Variants in WRN observed in about 807,000 individuals in gnomAD.
The protein encoded by WRN is WRN RecQ like helicase, also known as bifunctional 3'-5' exonuclease/ATP-dependent helicase WRN.
A neutral mutation model predicts 180.7 loss-of-function variants in WRN; 149 were observed. The ratio of observed to expected loss-of-function variants is 0.82; its 90% CI spans 0.72 to 0.94. The LOEUF (loss-of-function observed/expected upper bound fraction) is 0.94, where lower values mean the gene tolerates loss of function less well. WRN is among the 40% of genes least tolerant of loss of function. WRN has a pLI of 0.00. For missense variants in WRN, 1,661 were observed against 1,700.1 expected, an observed-to-expected ratio of 0.98 and a Z score of 0.40; for synonymous variants, 548 against 568.9, an observed-to-expected ratio of 0.96 and a Z score of 0.52.
intron 9 of WRN, among the ~76,000 whole-genome samples, chr8:31,082,258 TTTTA>T (rs1385702094): frequency 3.3e-5 from 5 of 152,218 alleles, no homozygotes; most frequent in Non-Finnish European, 7.3e-5. Context: ...AAATTTTATA[TTTTA>T]TTTCACGATA....
intron 19 of WRN, 128 bp downstream of exon 19, chr8:31,111,927 T>A: frequency 5.7e-6 from 7 of 1,236,008 alleles, no homozygotes; most frequent in Non-Finnish European, 7.9e-6. Flanking sequence ...TCCACCTAGT[T>A]TTGGTTCAAG....
intron 27 of WRN, among the ~76,000 whole-genome samples, chr8:31,143,054 CAT>C (rs1491467330): frequency 1.3e-4 from 5 of 37,682 alleles, no homozygotes; most frequent in African/African-American, 2.6e-4. Flanking sequence ...CACACACACA[CAT>C]TCTCTCTCTC....
At chr8:31,085,550 A>G (rs933310305) in intron 11 of WRN, among the ~76,000 whole-genome samples, 1 of 151,656 alleles carries the variant, frequency 6.6e-6, no homozygotes, top group African/African-American at 2.4e-5. Flanking sequence ...GCTCACTGCA[A>G]CCTTCACCTC....
At chr8:31,095,867 G>A (rs1002949670) in intron 16 of WRN, among the ~76,000 whole-genome samples, 3 of 152,136 alleles carry the variant, frequency 2.0e-5, no homozygotes, top group African/African-American at 7.2e-5. Flanking sequence ...TATGTCCTTT[G>A]TATTTCTGTG....
intron 33 of WRN, among the ~76,000 whole-genome samples, chr8:31,160,218 G>A (rs1803558440): frequency 6.6e-6 from 1 of 152,196 alleles, no homozygotes; most frequent in Non-Finnish European, 1.5e-5. Flanking sequence ...AGATCTGTAT[G>A]TAAGGAATGG....
chr8:31,115,885 ATT>A (rs1006105045), intron 19 of WRN, among the ~76,000 whole-genome samples: 1 of 152,300 alleles, frequency 6.6e-6, no homozygotes, highest in African/African-American at 2.4e-5. Context: ...ATCTTTCAAT[ATT>A]ATAAGAAAGC....
intron 1 of WRN, among the ~76,000 whole-genome samples, chr8:31,051,831 A>C (rs1266504337): frequency 2.0e-5 from 3 of 152,226 alleles, no homozygotes; most frequent in Non-Finnish European, 4.4e-5. Context: ...TGTGTTCTGT[A>C]GTCAAAGTTG....
intron 6 of WRN, 81 bp downstream of exon 6, chr8:31,067,263 G>A: frequency 6.7e-7 from 1 of 1,496,450 alleles, no homozygotes; most frequent in African/African-American, 1.4e-5. Flanking sequence ...TTTTATTATA[G>A]TAGTGGCAGA....
At chr8:31,081,967 C>A (rs1407820531) in intron 9 of WRN, among the ~76,000 whole-genome samples, 3 of 152,004 alleles carry the variant, frequency 2.0e-5, no homozygotes, top group Non-Finnish European at 2.9e-5. Flanking sequence ...CGCTCTGTTG[C>A]CCAGACTGGT....
At chr8:31,145,280 CTTG>C (rs1399108147) in intron 28 of WRN, among the ~76,000 whole-genome samples, 1 of 152,228 alleles carries the variant, frequency 6.6e-6, no homozygotes, top group Non-Finnish European at 1.5e-5. Context: ...AGCTGACTCT[CTTG>C]TTAGAAGCTG....
rs368098518 is a variant in WRN, at chr8:31,174,882, TTCTC to T, written c.*1794_*1797del. On this transcript the variant is annotated 3_prime_UTR_variant, in exon 35 of 35. Transcript: ENST00000298139. Reference sequence around the variant, plus strand: ...TTTTTCTTTCTCTTTCTTTCTTTCTTTCTCTCTCTCTCTCTCTTTCTTTCTTTTT... The same window carrying T: ...TTTTTCTTTCTCTTTCTTTCTTTCTTTCTCTCTCTCTCTTTCTTTCTTTTT... 1.5e-3 allele frequency among the ~76,000 whole-genome samples: 197 copies of T among 134,974 alleles called. 2 individuals are homozygous for T. The East Asian group carries it at 0.018, about 13-fold the overall frequency. 88.5% of individuals were successfully genotyped at this position (134,974 alleles called of 152,430 possible).
rs777069176 is a variant in WRN at position 31,141,748 on chromosome 8, T to C, written c.3206T>C (p.Leu1069Ser). The C allele has an allele frequency of 1.9e-6, 3 of 1,614,140 alleles. No individual in the cohort carries two copies. Among genetic ancestry groups the C allele is most frequent in the Non-Finnish European group, 1.7e-6 (2 of 1,180,020 alleles). Residue 1069 changes from leucine to serine, a missense_variant, in exon 26 of 35, where the codon TTG becomes TCG. By Grantham distance (145) the Leu-to-Ser change is moderately radical (BLOSUM62 -2). Transcript: ENST00000298139. ...QSLILQANEE[L>S]CPKKLLLPSS... ...CTCATCCTTCAAGCTAATGAAGAAT[T>C]GTGTCCAAAGAAGTTGCTTCTGCCT...
At chr8:31,039,645 G>T (rs1811574056) in intron 1 of WRN, among the ~76,000 whole-genome samples, 1 of 152,110 alleles carries the variant, frequency 6.6e-6, no homozygotes, top group South Asian at 2.1e-4. Flanking sequence ...TAGGTGGAAA[G>T]CTTTCAGTCT....
chr8:31,118,991 C>T (rs1801618574), intron 20 of WRN, among the ~76,000 whole-genome samples: 1 of 151,806 alleles, frequency 6.6e-6, no homozygotes, highest in Non-Finnish European at 1.5e-5. Flanking sequence ...AAAATAATAC[C>T]ATATAATTAA....
At chr8:31,096,490 T>C (rs1813982756) in intron 16 of WRN, among the ~76,000 whole-genome samples, 2 of 152,182 alleles carry the variant, frequency 1.3e-5, no homozygotes, top group South Asian at 4.1e-4. Context: ...AGCCAGCCCT[T>C]AGGAAGAGAC....
rs779022285 is a variant in WRN, at chr8:31,081,231, C to G, written c.1204C>G (p.Leu402Val). The G allele has an allele frequency of 6.2e-7, 1 of 1,612,880 alleles. No homozygotes were observed. The highest frequency in any genetic ancestry group is 1.1e-5 in the South Asian group (1 of 90,976). ...LMSLDITEHE[L>V]QILEQQSQEE... ...GTCGTTAGATATTACAGAACATGAA[C>G]TCCAAATTTTGGAACAGCAGTCTCA... The change falls in exon 9 of 35, where the codon CTC becomes GTC. Residue 402 changes from leucine to valine, a missense_variant. By Grantham distance (32) the Leu-to-Val change is conservative. Coordinates refer to ENST00000298139, the MANE Select transcript of WRN (RefSeq NM_000553.6).
chr8:31,118,581 TTG>T lies in WRN; in HGVS notation c.2449-1656_2449-1655del, dbSNP rs530727203. On this transcript the variant is annotated intron_variant, in intron 20 of 34. Coordinates refer to ENST00000298139, the MANE Select transcript of WRN (RefSeq NM_000553.6). ...TGTATAGAATTCTAGATATTCACTT[TTG>T]TGTGTTTTTACAGTTGTTATATACC... Among the ~76,000 whole-genome samples the T allele has an allele frequency of 5.9e-5, 9 of 152,144 alleles. No individual in the cohort carries two copies. The South Asian group carries it at 1.9e-3, about 32-fold the overall frequency.
rs572295539 is a variant in WRN, at chr8:31,171,552, T to C, written c.4192-1443T>C. 1.5e-4 allele frequency: 23 copies of C among 152,352 alleles called. No individual in the cohort carries two copies. The East Asian group carries it at 3.7e-3, about 24-fold the overall frequency. 9.4% of individuals were successfully genotyped at this position (152,352 alleles called of 1,614,324 possible). On this transcript the variant is annotated intron_variant, in intron 34 of 34. Coordinates refer to ENST00000298139, the MANE Select transcript of WRN (RefSeq NM_000553.6). The stretch of plus-strand genomic sequence containing the variant: ...GTGTATATAAGTCTCATCCGTTCTT[T>C]TGATTTTCTCTTCCCTGCTTGCAAT...
intron 33 of WRN, among the ~76,000 whole-genome samples, chr8:31,164,269 G>A (rs1030858767): frequency 1.3e-5 from 2 of 152,048 alleles, no homozygotes; most frequent in African/African-American, 4.8e-5. Flanking sequence ...AACATTGTTG[G>A]ATTATAAATG....
Sources: allele counts gnomAD v4.1 joint callset (sites outside exome capture counted in the v4.1 genomes callset), GRCh38; gene constraint gnomAD v4.1.1; transcripts MANE v1.5; gene names NCBI Gene and HGNC (gene_info 2026-07-23, HGNC 2026-07-21).